Variants in SNTG1 observed in about 807,000 individuals in gnomAD.
SNTG1 encodes gamma-1-syntrophin.
SNTG1 carries 39 observed loss-of-function variants against 74.7 expected under a neutral mutation model. That is an observed-to-expected ratio of 0.52 (90% CI 0.40 to 0.68). SNTG1 has a LOEUF of 0.68. Ranked by LOEUF, SNTG1 falls within the 30% of genes least tolerant of loss-of-function variation. SNTG1 has a pLI of 0.00. For synonymous variants in SNTG1, 254 were observed against 217.1 expected (o/e 1.17, Z -1.49); for missense variants, 685 against 609.5 (o/e 1.12, Z -1.30).
chr8:50,706,390 G>A (rs1162469483), intron 16 of SNTG1, among the ~76,000 whole-genome samples: 1 of 152,062 alleles, frequency 6.6e-6, no homozygotes, highest in African/African-American at 2.4e-5. Flanking sequence ...TTTTGTTATT[G>A]AAATTTATAT....
In SNTG1 at chr8:50,101,743, G is replaced by A. The variant is rs1021337416; in HGVS notation, c.-102-70818G>A. Among the ~76,000 whole-genome samples the A allele has an allele frequency of 2.0e-5, 3 of 149,262 alleles. No individual in the cohort carries two copies. In the East Asian group the frequency reaches 6.1e-4, roughly 30 times the overall value. On this transcript the variant is annotated intron_variant, in intron 1 of 18. Transcript: ENST00000642720. The stretch of plus-strand genomic sequence containing the variant: ...CCCACAACAGTCCCCAGAGTGTAAT[G>A]TTCCCCTTCCTGTGTCCATGTGTTC...
At chr8:50,480,750 C>T (rs902339681) in intron 8 of SNTG1, among the ~76,000 whole-genome samples, 67 of 152,034 alleles carry the variant, frequency 4.4e-4, no homozygotes, top group Admixed American at 1.2e-3. Context: ...AACTATATTG[C>T]ATGATTTAAT....
intron 1 of SNTG1, among the ~76,000 whole-genome samples, chr8:50,008,640 CAA>C (rs1029116913): frequency 6.6e-6 from 1 of 151,954 alleles, no homozygotes; most frequent in African/African-American, 2.4e-5. Flanking sequence ...GGATAAGAAA[CAA>C]AGAAAAATTC....
chr8:50,139,980 G>A (rs753795671), intron 1 of SNTG1, among the ~76,000 whole-genome samples: 13 of 152,208 alleles, frequency 8.5e-5, no homozygotes, highest in African/African-American at 1.2e-4. Flanking sequence ...TGTCACTAGC[G>A]AGCTTTGTGT....
At chr8:50,553,362 A>G (rs2094438202) in intron 12 of SNTG1, among the ~76,000 whole-genome samples, 183 bp downstream of exon 12, 1 of 152,172 alleles carries the variant, frequency 6.6e-6, no homozygotes, top group Non-Finnish European at 1.5e-5. Context: ...GAGTTCAATA[A>G]TACACATAGA....
intron 2 of SNTG1, among the ~76,000 whole-genome samples, chr8:50,375,218 G>C (rs2092352501): frequency 6.6e-6 from 1 of 152,038 alleles, no homozygotes; most frequent in Admixed American, 6.6e-5. Flanking sequence ...TGACTTTTGT[G>C]GACATAGAGC....
At position 50,531,110 on chromosome 8, in the gene SNTG1, C is replaced by G. The variant is rs1021411267; in HGVS notation, c.549+851C>G. On this transcript the variant is annotated intron_variant, in intron 10 of 18. Coordinates refer to ENST00000642720, the MANE Select transcript of SNTG1 (RefSeq NM_018967.5). ...TTGTCAAAATAGTGGCATTTTACTTCAAAGCAATCTTTTTGAACATCTTCA... is the reference window on the plus strand; with the variant it reads ...TTGTCAAAATAGTGGCATTTTACTTGAAAGCAATCTTTTTGAACATCTTCA... Among the ~76,000 whole-genome samples, 3 of 152,160 alleles carry G rather than the reference C, an allele frequency of 2.0e-5. No homozygotes were observed. The East Asian group carries it at 5.8e-4, about 29-fold the overall frequency.
At chr8:49,926,070 G>A (rs1806997878) in intron 1 of SNTG1, among the ~76,000 whole-genome samples, 1 of 152,090 alleles carries the variant, frequency 6.6e-6, no homozygotes, top group Non-Finnish European at 1.5e-5. Context: ...ATGGGTGGGT[G>A]ATGGTTTTTT....
intron 2 of SNTG1, among the ~76,000 whole-genome samples, chr8:50,245,846 G>A (rs868806445): frequency 1.3e-5 from 2 of 152,030 alleles, no homozygotes; most frequent in Non-Finnish European, 2.9e-5. Flanking sequence ...TTGTCTTGTG[G>A]TAGTCATTAT....
chr8:50,413,120 A>G (rs1278513909), intron 4 of SNTG1, among the ~76,000 whole-genome samples: 1 of 152,218 alleles, frequency 6.6e-6, no homozygotes, highest in Non-Finnish European at 1.5e-5. Flanking sequence ...CAGATTTGTC[A>G]TACTTACAAA....
chr8:50,650,737 T>C (rs1290116766), intron 13 of SNTG1, among the ~76,000 whole-genome samples: 1 of 152,224 alleles, frequency 6.6e-6, no homozygotes, highest in East Asian at 1.9e-4. Flanking sequence ...AGTCTCACTC[T>C]GTTGCCCAGC....
At chr8:50,764,033 T>C (rs932983852) in intron 18 of SNTG1, among the ~76,000 whole-genome samples, 2 of 151,452 alleles carry the variant, frequency 1.3e-5, no homozygotes, top group Admixed American at 6.6e-5. Flanking sequence ...TGTGTGATTA[T>C]GATCAATTGA....
intron 1 of SNTG1, among the ~76,000 whole-genome samples, chr8:50,159,884 C>A (rs1284994196): frequency 6.6e-6 from 1 of 152,144 alleles, no homozygotes; most frequent in African/African-American, 2.4e-5. Flanking sequence ...TGGAGTACCA[C>A]CAGCAGCAGT....
Position 50,072,481 on chromosome 8 carries a change from C to T in SNTG1, c.-102-100080C>T, listed in dbSNP as rs1380467221. Among the ~76,000 whole-genome samples the T allele has an allele frequency of 5.9e-5, 9 of 152,106 alleles. 1 individual carries two copies. The highest frequency in any genetic ancestry group is 9.7e-5 in the African/African-American group (4 of 41,430). On this transcript the variant is annotated intron_variant, in intron 1 of 18. Coordinates refer to ENST00000642720, the MANE Select transcript of SNTG1 (RefSeq NM_018967.5). ...CAGTTAATACTTGCCTGAGCTCAGGCGTTTTAACCAGAAACATAATAATAG... is the reference window on the plus strand; with the variant it reads ...CAGTTAATACTTGCCTGAGCTCAGGTGTTTTAACCAGAAACATAATAATAG...
At position 50,736,236 on chromosome 8, in the gene SNTG1, G is replaced by A. The variant is rs564039263; in HGVS notation, c.1285-15765G>A. ...AACTAATGGGCAAAATAACCAGCTAGCATCATAATGACAGGCTCAAATTCA... is the reference window on the plus strand; with the variant it reads ...AACTAATGGGCAAAATAACCAGCTAACATCATAATGACAGGCTCAAATTCA... On this transcript the variant is annotated intron_variant, in intron 17 of 18. Transcript: ENST00000642720. Among the ~76,000 whole-genome samples the A allele has an allele frequency of 5.3e-5, 8 of 151,850 alleles. No homozygotes were observed. In the South Asian group the frequency reaches 8.3e-4, roughly 16 times the overall value.
chr8:50,038,882 C>T (rs1350248753), intron 1 of SNTG1, among the ~76,000 whole-genome samples: 1 of 152,124 alleles, frequency 6.6e-6, no homozygotes, highest in Non-Finnish European at 1.5e-5. Context: ...GTACATTTCA[C>T]TTTGGTTAAT....
chr8:50,315,118 A>T (rs893190568), intron 2 of SNTG1, among the ~76,000 whole-genome samples: 7 of 149,814 alleles, frequency 4.7e-5, no homozygotes, highest in Non-Finnish European at 1.0e-4. Context: ...CTCTGTTATA[A>T]TATTCTTGTA....
intron 13 of SNTG1, among the ~76,000 whole-genome samples, chr8:50,605,402 T>G (rs1380958284): frequency 3.3e-5 from 5 of 152,342 alleles, no homozygotes; most frequent in East Asian, 1.9e-4. Context: ...TGGTGAGGCT[T>G]GCCAAAACTC....
At chr8:50,441,615 T>C (rs982948627) in intron 5 of SNTG1, among the ~76,000 whole-genome samples, 18 of 152,194 alleles carry the variant, frequency 1.2e-4, no homozygotes, top group Admixed American at 9.2e-4. Context: ...CTTAAGTAAG[T>C]CCGAATCCTT....
Sources: allele counts gnomAD v4.1 joint callset (sites outside exome capture counted in the v4.1 genomes callset), GRCh38; gene constraint gnomAD v4.1.1; transcripts MANE v1.5; gene names NCBI Gene and HGNC (gene_info 2026-07-23, HGNC 2026-07-21).